TAFA2: variants seen among roughly 807,000 people sequenced by gnomAD.
TAFA2 encodes the protein chemokine-like protein TAFA-2.
Under a neutral mutation model 18.8 loss-of-function variants are expected in TAFA2, and 7 were observed. The observed-to-expected ratio is 0.37, with a 90% CI of 0.21 to 0.70. The LOEUF is 0.70. TAFA2 is among the 30% of genes least tolerant of loss of function. The pLI is 0.53. For synonymous variants in TAFA2, 60 were observed against 54.2 expected (o/e 1.11, Z -0.47); for missense variants, 122 against 158.1 (o/e 0.77, Z 1.23).
At chr12:61,881,706 C>T (rs541949305) in intron 1 of TAFA2, among the ~76,000 whole-genome samples, 2 of 152,210 alleles carry the variant, frequency 1.3e-5, no homozygotes, top group South Asian at 2.1e-4. Context: ...ATACCACCCC[C>T]ACCCTCCCTT....
upstream of TAFA2, among the ~76,000 whole-genome samples, chr12:62,197,389 C>T (rs539675387): frequency 7.1e-4 from 108 of 152,272 alleles, 1 homozygote; most frequent in Middle Eastern, 3.4e-3. Flanking sequence ...ATGTTCTGTT[C>T]GCTAAAAATC....
intron 1 of TAFA2, among the ~76,000 whole-genome samples, chr12:62,038,086 A>G (rs1455821956): frequency 6.6e-6 from 1 of 152,196 alleles, no homozygotes; most frequent in Non-Finnish European, 1.5e-5. Context: ...AACAGTGGTT[A>G]CCAGCGGCAG....
rs1431532528 is a variant in TAFA2 at position 62,133,497 on chromosome 12, G to A, written c.-2+57762C>T. ...AGAAGAGGAAAGAACTAAAAGAAGG[G>A]TAGAAAAAAAAATAGAGAGGGAGAT... is the stretch of plus-strand genomic sequence containing the variant. On this transcript the variant is annotated intron_variant, in intron 1 of 4. Transcript: ENST00000416284. 2.0e-5 allele frequency among the ~76,000 whole-genome samples: 3 copies of A among 149,512 alleles called. No individual in the cohort carries two copies. In the East Asian group the frequency reaches 6.0e-4, roughly 30 times the overall value.
chr12:61,817,157 T>C (rs1343875680), intron 2 of TAFA2, among the ~76,000 whole-genome samples: 2 of 152,056 alleles, frequency 1.3e-5, no homozygotes, highest in Non-Finnish European at 2.9e-5. Context: ...CCTGATATAG[T>C]GACTGGAAAG....
At chr12:62,083,507 T>A (rs978702887) in intron 1 of TAFA2, among the ~76,000 whole-genome samples, 33 of 152,202 alleles carry the variant, frequency 2.2e-4, no homozygotes, top group African/African-American at 7.9e-4. Flanking sequence ...ATAAAACCTC[T>A]CTCCTCTCCG....
chr12:62,208,033 C>A (rs2062699385), intron 1 of TAFA2, among the ~76,000 whole-genome samples: 1 of 152,140 alleles, frequency 6.6e-6, no homozygotes, highest in African/African-American at 2.4e-5. Flanking sequence ...ATCTTGGTCT[C>A]ATTCCCTGGC....
At chr12:62,227,270 AGTC>A (rs1318441528) in intron 1 of TAFA2, among the ~76,000 whole-genome samples, 3 of 152,316 alleles carry the variant, frequency 2.0e-5, no homozygotes, top group South Asian at 2.1e-4. Context: ...TCAAGACAGA[AGTC>A]GTTAATCATA....
At chr12:62,035,119 C>T (rs1436282590) in intron 1 of TAFA2, among the ~76,000 whole-genome samples, 1 of 152,120 alleles carries the variant, frequency 6.6e-6, no homozygotes, top group African/African-American at 2.4e-5. Flanking sequence ...GAGGTCACCC[C>T]TCTATGTGTC....
At chr12:61,868,401 C>T (rs979182629) in intron 1 of TAFA2, among the ~76,000 whole-genome samples, 5 of 152,180 alleles carry the variant, frequency 3.3e-5, no homozygotes, top group Admixed American at 6.5e-5. Context: ...TTTATGAGGG[C>T]GATTAAATAT....
At chr12:61,952,470 CAAGTT>C (rs977661598) in intron 1 of TAFA2, among the ~76,000 whole-genome samples, 7 of 151,966 alleles carry the variant, frequency 4.6e-5, no homozygotes, top group Non-Finnish European at 8.8e-5. Flanking sequence ...GATAGTAAGT[CAAGTT>C]AACTTATTCT....
chr12:62,248,500 CCT>C (rs2062897479), intron 1 of TAFA2, among the ~76,000 whole-genome samples: 1 of 152,148 alleles, frequency 6.6e-6, no homozygotes, highest in South Asian at 2.1e-4. Flanking sequence ...AGGTGTATAA[CCT>C]TTTTAAAAAT....
At chr12:62,217,420 G>A (rs1047239122) in intron 1 of TAFA2, among the ~76,000 whole-genome samples, 24 of 152,174 alleles carry the variant, frequency 1.6e-4, no homozygotes, top group Admixed American at 1.1e-3. Context: ...CAGTGCAACT[G>A]GGCCCTGGTA....
intron 1 of TAFA2, among the ~76,000 whole-genome samples, chr12:62,179,734 C>T (rs1316493858): frequency 3.3e-5 from 5 of 152,072 alleles, no homozygotes; most frequent in East Asian, 3.9e-4. Context: ...TCAAGGATTT[C>T]CTCTTTTTTT....
chr12:62,231,810 T>C (rs183985282), intron 1 of TAFA2, among the ~76,000 whole-genome samples: 54 of 152,302 alleles, frequency 3.5e-4, no homozygotes, highest in African/African-American at 1.3e-3. Context: ...AAATTCAGTA[T>C]AGTGGTTACC....
intron 2 of TAFA2, among the ~76,000 whole-genome samples, chr12:61,769,186 A>G (rs529249098): frequency 1.3e-5 from 2 of 151,292 alleles, no homozygotes; most frequent in Non-Finnish European, 3.0e-5. Flanking sequence ...CAGCTGCAGT[A>G]AGACCCACCA....
At chr12:61,858,028 C>T (rs535200071) in intron 2 of TAFA2, among the ~76,000 whole-genome samples, 200 of 152,272 alleles carry the variant, frequency 1.3e-3, no homozygotes, top group Non-Finnish European at 2.1e-3. Flanking sequence ...TGGAAGCATT[C>T]AGCCTCTCAG....
At chr12:62,257,188 G>GTC (rs2062944794) in intron 1 of TAFA2, among the ~76,000 whole-genome samples, 1 of 36,700 alleles carries the variant, frequency 2.7e-5, no homozygotes, top group Non-Finnish European at 5.9e-5. Flanking sequence ...GTGTGTGTGT[G>GTC]TGTGTGTGTG....
intron 1 of TAFA2, among the ~76,000 whole-genome samples, chr12:61,873,831 G>A (rs1874724574): frequency 6.6e-6 from 1 of 152,060 alleles, no homozygotes; most frequent in Non-Finnish European, 1.5e-5. Flanking sequence ...AATAGCAATT[G>A]TCTTTGAGGT....
intron 2 of TAFA2, among the ~76,000 whole-genome samples, chr12:61,825,786 A>C (rs954332407): frequency 2.6e-5 from 4 of 152,234 alleles, no homozygotes; most frequent in Non-Finnish European, 5.9e-5. Flanking sequence ...GAAAAAGATA[A>C]AGCACAAATT....
Sources: gnomAD v4.1 joint callset for allele counts (sites outside exome capture counted in the v4.1 genomes callset) on GRCh38, gnomAD v4.1.1 for gene constraint, MANE v1.5 for transcripts, NCBI Gene and HGNC (gene_info 2026-07-23, HGNC 2026-07-21) for gene names.